Variants in NTM observed in about 807,000 individuals in gnomAD.
The protein encoded by NTM is IgLON family member 2.
NTM carries 13 observed loss-of-function variants against 42.1 expected under a neutral mutation model. The ratio of observed to expected loss-of-function variants is 0.31; its 90% CI spans 0.20 to 0.49. The LOEUF is 0.49. Ranked by LOEUF, NTM falls within the 20% of genes least tolerant of loss-of-function variation. NTM has a pLI of 0.99. For synonymous variants in NTM, 187 were observed against 179.2 expected, an observed-to-expected ratio of 1.04 and a Z score of -0.35; for missense variants, 373 against 452.8, an observed-to-expected ratio of 0.82 and a Z score of 1.60.
chr11:131,512,640 C>G (rs1400768982), intron 1 of NTM, among the ~76,000 whole-genome samples: 1 of 152,246 alleles, frequency 6.6e-6, no homozygotes, highest in African/African-American at 2.4e-5. Flanking sequence ...TTCTGAGCTC[C>G]TGAGCTGATG....
intron 1 of NTM, among the ~76,000 whole-genome samples, chr11:131,832,218 A>G (rs1425607558): frequency 6.6e-6 from 1 of 150,678 alleles, no homozygotes; most frequent in African/African-American, 2.4e-5. Flanking sequence ...GTTCATATGT[A>G]TGCGTGATGC....
rs142063529 is a variant in NTM at position 131,698,834 on chromosome 11, A to G, written c.83-212730A>G. ...GATATGATTTGCTGAGGGATATCTG[A>G]GAGAAAGCCTATGTGTCCTTTCCAT... On this transcript the variant is annotated intron_variant, in intron 1 of 8. Transcript: ENST00000683400. 5.1e-3 allele frequency among the ~76,000 whole-genome samples: 780 copies of G among 152,312 alleles called. 9 individuals are homozygous for G. Among genetic ancestry groups the G allele is most frequent in the African/African-American group, 0.017 (725 of 41,572 alleles).
chr11:132,056,320 T>C (rs1316104276), intron 2 of NTM, among the ~76,000 whole-genome samples: 2 of 152,188 alleles, frequency 1.3e-5, no homozygotes, highest in African/African-American at 4.8e-5. Flanking sequence ...TTCCTACACG[T>C]CATCCCCTAT....
chr11:131,898,752 G>A (rs1412390564), intron 1 of NTM, among the ~76,000 whole-genome samples: 2 of 152,202 alleles, frequency 1.3e-5, no homozygotes, highest in Admixed American at 6.5e-5. Flanking sequence ...TCTAAAGCCA[G>A]TCTAATCTTG....
intron 1 of NTM, among the ~76,000 whole-genome samples, chr11:131,884,196 G>A (rs2049996235): frequency 6.6e-6 from 1 of 151,930 alleles, no homozygotes; most frequent in African/African-American, 2.4e-5. Context: ...GATCACCTGA[G>A]GTCGGGAGTT....
intron 1 of NTM, among the ~76,000 whole-genome samples, chr11:131,728,766 A>T (rs1207147727): frequency 6.6e-6 from 1 of 150,586 alleles, no homozygotes; most frequent in Admixed American, 6.6e-5. Flanking sequence ...TCCTTCCCAG[A>T]GAAAGAGGGG....
At chr11:131,778,313 T>C (rs1487695388) in intron 1 of NTM, among the ~76,000 whole-genome samples, 1 of 152,224 alleles carries the variant, frequency 6.6e-6, no homozygotes. Flanking sequence ...AAGATAAGCT[T>C]CCAGTCTTAA....
chr11:131,404,806 G>T (rs1185502700), intron 1 of NTM, among the ~76,000 whole-genome samples: 9 of 152,084 alleles, frequency 5.9e-5, no homozygotes, highest in Non-Finnish European at 1.5e-5. Context: ...GGCATTGCTG[G>T]TACTACATGT....
chr11:132,070,071 T>TA (rs1461177004), intron 2 of NTM, among the ~76,000 whole-genome samples: 1 of 142,580 alleles, frequency 7.0e-6, no homozygotes, highest in Non-Finnish European at 1.5e-5. Flanking sequence ...CACAGCCAAG[T>TA]TAACACGTCA....
At chr11:131,384,575 G>T (rs1044866405) in intron 1 of NTM, among the ~76,000 whole-genome samples, 1 of 152,066 alleles carries the variant, frequency 6.6e-6, no homozygotes, top group Admixed American at 6.6e-5. Context: ...GAGAGAGAGA[G>T]AGAGTGAGTG....
At chr11:131,677,095 T>C (rs574359228) in intron 1 of NTM, among the ~76,000 whole-genome samples, 2 of 152,184 alleles carry the variant, frequency 1.3e-5, no homozygotes, top group East Asian at 1.9e-4. Context: ...CTAATACATA[T>C]GGAAACCGCA....
chr11:132,274,717 G>A (rs1186157689), intron 4 of NTM, among the ~76,000 whole-genome samples: 4 of 152,128 alleles, frequency 2.6e-5, no homozygotes, highest in Admixed American at 6.5e-5. Flanking sequence ...ATAAACCATA[G>A]CATTTAATGT....
intron 1 of NTM, among the ~76,000 whole-genome samples, chr11:131,855,638 G>T (rs897040142): frequency 3.9e-5 from 6 of 152,076 alleles, no homozygotes; most frequent in Admixed American, 3.3e-4. Context: ...GCCTTCTGTT[G>T]CTCCTTAAAT....
intron 4 of NTM, among the ~76,000 whole-genome samples, chr11:132,220,683 A>G (rs2084965587): frequency 6.6e-6 from 1 of 152,218 alleles, no homozygotes; most frequent in African/African-American, 2.4e-5. Context: ...GAATTCAGAC[A>G]TTGCTAACAG....
chr11:131,402,867 G>T (rs1265063656), intron 1 of NTM, among the ~76,000 whole-genome samples: 1 of 152,156 alleles, frequency 6.6e-6, no homozygotes, highest in Non-Finnish European at 1.5e-5. Context: ...GGCCTGTGAG[G>T]ACTGTCATAA....
At chr11:131,389,024 A>AAAAAGAAAAAAG (rs1943680633) in intron 1 of NTM, among the ~76,000 whole-genome samples, 5 of 89,906 alleles carry the variant, frequency 5.6e-5, no homozygotes, top group African/African-American at 2.3e-4. Flanking sequence ...AAAAAAAAAA[A>AAAAAGAAAAAAG]AAAAGAAAAG....
chr11:131,418,500 C>G (rs549247979), intron 1 of NTM, among the ~76,000 whole-genome samples: 186 of 152,266 alleles, frequency 1.2e-3, no homozygotes, highest in Non-Finnish European at 2.2e-3. Flanking sequence ...CTTTCAAAGA[C>G]TGGGCTTTAA....
intron 1 of NTM, among the ~76,000 whole-genome samples, chr11:131,474,997 T>G (rs933841108): frequency 2.0e-5 from 3 of 152,214 alleles, no homozygotes; most frequent in Admixed American, 6.5e-5. Context: ...GGAATAACAA[T>G]GTCATGCCAC....
intron 1 of NTM, among the ~76,000 whole-genome samples, chr11:131,817,983 AT>A (rs972036982): frequency 4.6e-5 from 7 of 152,126 alleles, no homozygotes; most frequent in Non-Finnish European, 8.8e-5. Flanking sequence ...TTCCAAACAG[AT>A]TTTTCACCAG....
Sources: allele counts gnomAD v4.1 joint callset (sites outside exome capture counted in the v4.1 genomes callset), GRCh38; gene constraint gnomAD v4.1.1; transcripts MANE v1.5; gene names NCBI Gene and HGNC (gene_info 2026-07-23, HGNC 2026-07-21).